Variants in CSPG4 observed in about 807,000 individuals in gnomAD.
The protein encoded by CSPG4 is chondroitin sulfate proteoglycan 4 (melanoma-associated).
Under a neutral mutation model 139.3 loss-of-function variants are expected in CSPG4, and 74 were observed. That is an observed-to-expected ratio of 0.53 (90% CI 0.44 to 0.64). The LOEUF is 0.64. Among genes scored for constraint, CSPG4 ranks in the 30% least tolerant of loss-of-function variants. The pLI is 0.00. For synonymous variants in CSPG4, 1,234 were observed against 1,394.2 expected, an observed-to-expected ratio of 0.89 and a Z score of 2.56; for missense variants, 2,565 against 3,148.3, an observed-to-expected ratio of 0.81 and a Z score of 4.43.
chr15:75,693,756 G>C (rs1393875404), intron 1 of CSPG4, among the ~76,000 whole-genome samples: 1 of 152,236 alleles, frequency 6.6e-6, no homozygotes, highest in Admixed American at 6.5e-5. Context: ...CGCCTGCTGT[G>C]CCATGCCCCG....
chr15:75,684,185 T>C (rs1168381645), intron 5 of CSPG4, among the ~76,000 whole-genome samples: 2 of 152,222 alleles, frequency 1.3e-5, no homozygotes, highest in Admixed American at 1.3e-4. Context: ...CCCTTTCTGT[T>C]CCACCAGAAC....
chr15:75,713,051 C>G (rs1894471204), upstream of CSPG4, among the ~76,000 whole-genome samples: 1 of 152,226 alleles, frequency 6.6e-6, no homozygotes, highest in Non-Finnish European at 1.5e-5. Flanking sequence ...ACCCTAAAGA[C>G]TTAGAACAAA....
In CSPG4 at chr15:75,675,466, C is replaced by G. The variant is rs1893875037; in HGVS notation, c.*84G>C. The G allele has an allele frequency of 6.6e-6, 9 of 1,363,704 alleles. No individual in the cohort carries two copies. The East Asian group carries it at 2.3e-4, about 35-fold the overall frequency. 84.5% of individuals were successfully genotyped at this position (1,363,704 alleles called of 1,614,324 possible). A position where few individuals can be genotyped will look rare whatever the true frequency, so the allele number is the denominator to read the frequency against. On this transcript the variant is annotated 3_prime_UTR_variant, in exon 10 of 10. Coordinates refer to ENST00000308508, the MANE Select transcript of CSPG4 (RefSeq NM_001897.5). The stretch of plus-strand genomic sequence containing the variant: ...CTCTCTTGCTCTGGGGATACTCAGA[C>G]AGCACCAGGCATGGAAGCAATGGGG...
At chr15:75,677,583 G>C in intron 9 of CSPG4, 120 bp downstream of exon 9, 1 of 1,295,918 alleles carries the variant, frequency 7.7e-7, no homozygotes. Flanking sequence ...CACCCTCCCT[G>C]TGACTTCCCA....
rs376877916 is a variant in CSPG4 at position 75,690,760 on chromosome 15, G to T, written c.305C>A (p.Thr102Lys). The change falls in exon 3 of 10, where the codon ACG (threonine) becomes AAG (lysine). Residue 102 changes from threonine (T) to lysine (K), a missense_variant. By Grantham distance (78) the Thr-to-Lys change is moderately conservative (BLOSUM62 -1). Around this residue, in one of 5 missense-constraint regions of CSPG4, gnomAD observed 132 missense variants for 132.3 expected, o/e 1.00. Transcript: ENST00000308508. ...GTGGGGGATGGAGTCACTCAGCAGC[G>T]TCTCTGCTGGAGTCTGCAGCCTCAG... ...EELRLQTPAE[T>K]LLSDSIPHTV... 6.2e-7 allele frequency: 1 copy of T among 1,613,148 alleles called. No individual in the cohort carries two copies.
intron 1 of CSPG4, among the ~76,000 whole-genome samples, chr15:75,711,428 A>C (rs1894445334): frequency 6.6e-6 from 1 of 151,484 alleles, no homozygotes; most frequent in Admixed American, 6.6e-5. Context: ...GGCCTGAATG[A>C]GCTGACCACC....
intron 1 of CSPG4, among the ~76,000 whole-genome samples, chr15:75,706,167 G>A (rs535200316): frequency 1.3e-5 from 2 of 152,326 alleles, no homozygotes; most frequent in South Asian, 4.1e-4. Context: ...GCCCCTTCCT[G>A]AAATGTGGGT....
chr15:75,681,532 C>T (rs1476158664), intron 8 of CSPG4, among the ~76,000 whole-genome samples: 1 of 152,244 alleles, frequency 6.6e-6, no homozygotes, highest in African/African-American at 2.4e-5. Flanking sequence ...GGTCCAGATG[C>T]CCATGCAGCC....
At chr15:75,702,640 C>T (rs1321458633) in intron 1 of CSPG4, among the ~76,000 whole-genome samples, 1 of 152,244 alleles carries the variant, frequency 6.6e-6, no homozygotes, top group Non-Finnish European at 1.5e-5. Context: ...CCTCCTCTGC[C>T]CTCCAGAGCC....
upstream of CSPG4, chr15:75,712,914 C>T (rs34314667): frequency 1.2e-5 from 7 of 577,194 alleles, no homozygotes; most frequent in Non-Finnish European, 2.0e-5. Flanking sequence ...CGCGCGCCCG[C>T]TCGGGTTTCA....
Position 75,682,309 on chromosome 15 carries a change from T to C in CSPG4, c.4934A>G (p.Asn1645Ser), listed in dbSNP as rs1255868179. 1 of 1,596,616 alleles carries C rather than the reference T, an allele frequency of 6.3e-7. No homozygotes were observed. The highest frequency in any genetic ancestry group is 1.7e-5 in the Admixed American group (1 of 60,012). ...GGCCCTTACCTCTGCCTGAGTGAAG[T>C]TCACCAGGGCCTCCCCTGTGCTGTC... ...QQDSTGEALVNFTQAEVYAGN... is the reference protein window; with the variant it reads ...QQDSTGEALVSFTQAEVYAGN... Residue 1645 changes from asparagine (N) to serine (S), a missense_variant, in exon 8 of 10, where the codon AAC becomes AGC. Asn to Ser is a conservative substitution (Grantham distance 46). Coordinates refer to ENST00000308508, the MANE Select transcript of CSPG4 (RefSeq NM_001897.5).
In CSPG4 at chr15:75,712,765, C is replaced by G. The variant is rs1347277326; in HGVS notation, c.-10G>C. On this transcript the variant is annotated 5_prime_UTR_variant, in exon 1 of 10. Coordinates refer to ENST00000308508, the MANE Select transcript of CSPG4 (RefSeq NM_001897.5). ...GCGGCCCGGACTGCATCCCGGCGGG[C>G]TGGGCGGCAGGACTTGCGAGGAGCC... is the stretch of plus-strand genomic sequence containing the variant. 1 of 1,539,610 alleles carries G rather than the reference C, an allele frequency of 6.5e-7. No homozygotes were observed. Among genetic ancestry groups the G allele is most frequent in the Non-Finnish European group, 8.8e-7 (1 of 1,141,880 alleles).
chr15:75,693,329 C>T (rs903593770), intron 1 of CSPG4, 96 bp from the exon 2 acceptor site: 35 of 1,198,310 alleles, frequency 2.9e-5, no homozygotes, highest in African/African-American at 1.9e-4. Context: ...GAAAGGGGTC[C>T]GTGCTGGCGC....
At position 75,688,018 on chromosome 15, in the gene CSPG4, T is replaced by A; in HGVS notation, c.3047A>T (p.Asp1016Val). ...VFRVAIQPVNDHAPVQTISRI... is the reference protein window; with the variant it reads ...VFRVAIQPVNVHAPVQTISRI... ...GCTGATGGTCTGCACAGGGGCGTGG[T>A]CATTCACGGGCTGGATGGCCACTCG... The change falls in exon 3 of 10, where the codon GAC (aspartate) becomes GTC (valine). Residue 1016 changes from aspartate to valine, a missense_variant. By Grantham distance (152) the Asp-to-Val change is radical. This residue lies in a region of CSPG4 where 2,316 missense variants were observed against 2,818.2 expected (regional missense o/e 0.82). Transcript: ENST00000308508. The A allele has an allele frequency of 1.2e-6, 2 of 1,611,838 alleles. No individual in the cohort carries two copies. Among genetic ancestry groups the A allele is most frequent in the African/African-American group, 1.3e-5 (1 of 75,032 alleles).
Position 75,703,819 on chromosome 15 carries a change from G to C in CSPG4, c.88+8849C>G, listed in dbSNP as rs1385161171. ...GTGGGGTAACCGTAGCCTGGGGCAT[G>C]TGTCATGGAGCCACAAGCAGTGACT... On this transcript the variant is annotated intron_variant, in intron 1 of 9. Coordinates refer to ENST00000308508, the MANE Select transcript of CSPG4 (RefSeq NM_001897.5). 5.9e-3 allele frequency among the ~76,000 whole-genome samples: 794 copies of C among 135,278 alleles called. 3 individuals are homozygous for C. Among genetic ancestry groups the C allele is most frequent in the African/African-American group, 0.021 (743 of 34,568 alleles). 88.7% of individuals were successfully genotyped at this position (135,278 alleles called of 152,430 possible). A position where few individuals can be genotyped will look rare whatever the true frequency, so the allele number is the denominator to read the frequency against.
intron 8 of CSPG4, among the ~76,000 whole-genome samples, chr15:75,682,035 C>T (rs943519607): frequency 5.9e-5 from 9 of 152,250 alleles, no homozygotes; most frequent in African/African-American, 2.2e-4. Flanking sequence ...AAGCTATACC[C>T]CAAGACCCCA....
rs753624699 is a variant in CSPG4 at position 75,712,670 on chromosome 15, G to C, written c.86C>G (p.Ala29Gly). ...TLTMLARLASAASFFGENHLE... is the reference protein window; with the variant it reads ...TLTMLARLASGASFFGENHLE... Reference sequence around the variant, plus strand: ...GGGGTCTCAGGCCCCTCACTCACCCGCGGATGCAAGTCTGGCCAACATAGT... The same window carrying C: ...GGGGTCTCAGGCCCCTCACTCACCCCCGGATGCAAGTCTGGCCAACATAGT... Residue 29 changes from alanine to glycine, a missense_variant and splice_region_variant, in exon 1 of 10, where the codon GCG becomes GGG. Physicochemically the swap from Ala to Gly is moderately conservative, Grantham distance 60 (BLOSUM62 0). Coordinates refer to ENST00000308508, the MANE Select transcript of CSPG4 (RefSeq NM_001897.5). 1 of 1,559,760 alleles carries C rather than the reference G, an allele frequency of 6.4e-7. No homozygotes were observed.
At position 75,687,322 on chromosome 15, in the gene CSPG4, T is replaced by A; in HGVS notation, c.3743A>T (p.Tyr1248Phe). ...CTCAGCTGCCTCTCCCTGGAAGACG[T>A]AGATCTTCTTGTGCCGGACCAGCTT... is the stretch of plus-strand genomic sequence containing the variant. ...PLKLVRHKKI[Y>F]VFQGEAAEIR... Residue 1248 changes from tyrosine (Y) to phenylalanine (F), a missense_variant, in exon 3 of 10, where the codon TAC becomes TTC. By Grantham distance (22) the Tyr-to-Phe change is conservative. Around this residue, in one of 5 missense-constraint regions of CSPG4, gnomAD observed 2,316 missense variants for 2,818.2 expected, o/e 0.82. Coordinates refer to ENST00000308508, the MANE Select transcript of CSPG4 (RefSeq NM_001897.5). The surrounding 1 kb of genome is among the most constrained non-coding windows in gnomAD (Gnocchi z 5.4). 2 of 1,612,200 alleles carry A rather than the reference T, an allele frequency of 1.2e-6. No individual in the cohort carries two copies. The highest frequency in any genetic ancestry group is 1.7e-6 in the Non-Finnish European group (2 of 1,179,990).
In CSPG4 at chr15:75,676,960, C is replaced by A; in HGVS notation, c.5559G>T (p.Arg1853=). 6.6e-7 allele frequency: 1 copy of A among 1,508,380 alleles called. No homozygotes were observed. The highest frequency in any genetic ancestry group is 8.9e-7 in the Non-Finnish European group (1 of 1,123,286). The allele number at this position is 1,508,380 out of a possible 1,614,324, so 93.4% of individuals were successfully genotyped here. Residue 1853 remains arginine, a synonymous_variant, in exon 10 of 10, where the codon CGG becomes CGT. Transcript: ENST00000308508. Reference sequence around the variant, plus strand: ...CTGGGTCCACCACACTCAGCTGGGCCCGGGAGATGGGGGCACGAGAGCCTC... The same window carrying A: ...CTGGGTCCACCACACTCAGCTGGGCACGGGAGATGGGGGCACGAGAGCCTC... ...LTRGSRAPIS[R]AQLSVVDPDS...
Sources: allele counts gnomAD v4.1 joint callset (sites outside exome capture counted in the v4.1 genomes callset), GRCh38; gene constraint gnomAD v4.1.1; regional missense constraint gnomAD v4.1.1; non-coding constraint Gnocchi (gnomAD v3.1); transcripts MANE v1.5; gene names NCBI Gene and HGNC (gene_info 2026-07-23, HGNC 2026-07-21).